Variants in NOTCH2 observed in about 807,000 individuals in gnomAD.
NOTCH2 encodes the protein notch receptor 2.
A neutral mutation model predicts 235.8 loss-of-function variants in NOTCH2; 29 were observed. The ratio of observed to expected loss-of-function variants is 0.12; its 90% CI spans 0.09 to 0.17. The LOEUF (loss-of-function observed/expected upper bound fraction) is 0.17, where lower values mean the gene tolerates loss of function less well. Among genes scored for constraint, NOTCH2 ranks in the 10% least tolerant of loss-of-function variants. NOTCH2 has a pLI of 1.00. For missense variants in NOTCH2, 2,285 were observed against 3,150.2 expected, an observed-to-expected ratio of 0.73 and a Z score of 6.57; for synonymous variants, 1,086 against 1,141.5, an observed-to-expected ratio of 0.95 and a Z score of 0.98.
At chr1:119,965,945 A>G (rs1233543492) in intron 9 of NOTCH2, among the ~76,000 whole-genome samples, 3 of 152,182 alleles carry the variant, frequency 2.0e-5, no homozygotes, top group African/African-American at 7.2e-5. Flanking sequence ...TAGCTTGAGG[A>G]AAAAAAAGGA....
chr1:119,995,579 G>T (rs1381678990), intron 4 of NOTCH2: 1 of 152,064 alleles, frequency 6.6e-6, no homozygotes, highest in Admixed American at 6.6e-5. Flanking sequence ...GAAGACAGAC[G>T]TATTTTAGTT....
chr1:119,915,864 G>T lies in NOTCH2; in HGVS notation c.6858C>A (p.Ser2286Arg). The change falls in exon 34 of 34, where the codon AGC (serine) becomes AGA (arginine). Residue 2286 changes from serine (S) to arginine (R), a missense_variant. By Grantham distance (110) the Ser-to-Arg change is moderately radical. Coordinates refer to ENST00000256646, the MANE Select transcript of NOTCH2 (RefSeq NM_024408.4). ...TTATGTGCTTCCCTTCAGGTGGCCT[G>T]CTCTGGGGAGCTATGCCAGGATGGG... is the stretch of plus-strand genomic sequence containing the variant. The part of the protein sequence containing the change: ...EGTHPGIAPQ[S>R]RPPEGKHITT... The T allele has an allele frequency of 1.2e-6, 2 of 1,614,204 alleles. No individual in the cohort carries two copies. The highest frequency in any genetic ancestry group is 1.7e-6 in the Non-Finnish European group (2 of 1,180,038).
At chr1:120,000,823 C>T (rs587605789) in intron 3 of NOTCH2, among the ~76,000 whole-genome samples, 6 of 152,264 alleles carry the variant, frequency 3.9e-5, no homozygotes, top group East Asian at 1.9e-4. Flanking sequence ...ATACCATCAT[C>T]GTCATGATGG....
rs112932691 is a variant in NOTCH2 at position 119,940,267 on chromosome 1, C to T, written c.3183+288G>A. Among the ~76,000 whole-genome samples the T allele has an allele frequency of 0.019, 2,829 of 151,956 alleles. 82 individuals carry two copies. Among genetic ancestry groups the T allele is most frequent in the African/African-American group, 0.064 (2,659 of 41,462 alleles). On this transcript the variant is annotated intron_variant, in intron 19 of 33. Transcript: ENST00000256646. Reference sequence around the variant, plus strand: ...CTTTTTGTGCTTCCAATGTAAAAAACAAAAAAACAAAAAACAAAAAACAAA... The same window carrying T: ...CTTTTTGTGCTTCCAATGTAAAAAATAAAAAAACAAAAAACAAAAAACAAA...
intron 5 of NOTCH2, among the ~76,000 whole-genome samples, chr1:119,974,228 G>A (rs1476641615): frequency 6.6e-6 from 1 of 152,146 alleles, no homozygotes; most frequent in East Asian, 1.9e-4. Context: ...CACAAACTTT[G>A]CTGGTGAACT....
chr1:119,985,260 C>A (rs1399761824), intron 5 of NOTCH2, among the ~76,000 whole-genome samples: 1 of 151,798 alleles, frequency 6.6e-6, no homozygotes, highest in African/African-American at 2.4e-5. Flanking sequence ...AAAAAAAAAA[C>A]TGAAGGTCAC....
chr1:119,918,756 T>C (rs1649171631), intron 31 of NOTCH2, among the ~76,000 whole-genome samples: 2 of 152,306 alleles, frequency 1.3e-5, no homozygotes, highest in African/African-American at 2.4e-5. Flanking sequence ...ACATGCTCAA[T>C]AAATAATGGC....
At chr1:120,039,304 T>A (rs1462068899) in intron 1 of NOTCH2, among the ~76,000 whole-genome samples, 1 of 152,178 alleles carries the variant, frequency 6.6e-6, no homozygotes, top group Non-Finnish European at 1.5e-5. Flanking sequence ...TTGTCTTATA[T>A]CTTGTATTAT....
At position 119,961,118 on chromosome 1, in the gene NOTCH2, G is replaced by A. The variant is rs587674444; in HGVS notation, c.1916-1616C>T. Among the ~76,000 whole-genome samples the A allele has an allele frequency of 2.6e-5, 4 of 152,220 alleles. No individual in the cohort carries two copies. In the South Asian group the frequency reaches 8.3e-4, roughly 32 times the overall value. ...TGTTACACCCATTTTACAGACAACAGGGCTGACCTGCACAGTGCCACCATT... is the reference window on the plus strand; with the variant it reads ...TGTTACACCCATTTTACAGACAACAAGGCTGACCTGCACAGTGCCACCATT... On this transcript the variant is annotated intron_variant, in intron 11 of 33. Transcript: ENST00000256646.
rs2101103638 is a variant in NOTCH2 at position 119,940,574 on chromosome 1, T to G, written c.3164A>C (p.Tyr1055Ser). Residue 1055 changes from tyrosine to serine, a missense_variant, in exon 19 of 34, where the codon TAC becomes TCC. Physicochemically the swap from Tyr to Ser is moderately radical, Grantham distance 144 (BLOSUM62 -2). Transcript: ENST00000256646. ...AATTACCTGACAGTTTTTCCCAGTGTAGCCCAGGGGGCAGCTGCAGCGGTA... is the reference window on the plus strand; with the variant it reads ...AATTACCTGACAGTTTTTCCCAGTGGAGCCCAGGGGGCAGCTGCAGCGGTA... Reference protein sequence around the residue: ...GTYRCSCPLGYTGKNCQTLVN... With the variant: ...GTYRCSCPLGSTGKNCQTLVN... The G allele has an allele frequency of 6.2e-7, 1 of 1,613,856 alleles. No individual in the cohort carries two copies. Among genetic ancestry groups the G allele is most frequent in the South Asian group, 1.1e-5 (1 of 91,070 alleles).
chr1:119,929,555 A>AAATATAAAATATAAAATATAAAAACAG lies in NOTCH2; in HGVS notation c.3656-344_3656-343insCTGTTTTTATATTTTATATTTTATATT, dbSNP rs1217198435. ...GGCTCAGTAATTTTTCCAAAGTATA[A>AAATATAAAATATAAAATATAAAAACAG]TCCAAAATATAAAAACAGTCCAAAA... On this transcript the variant is annotated intron_variant, in intron 22 of 33. Coordinates refer to ENST00000256646, the MANE Select transcript of NOTCH2 (RefSeq NM_024408.4). Among the ~76,000 whole-genome samples, 6 of 152,328 alleles carry AAATATAAAATATAAAATATAAAAACAG rather than the reference A, an allele frequency of 3.9e-5. No homozygotes were observed. In the East Asian group the frequency reaches 9.6e-4, roughly 24 times the overall value.
Position 119,915,818 on chromosome 1 carries a change from G to T in NOTCH2, c.6904C>A (p.Pro2302Thr). Reference sequence around the variant, plus strand: ...ATGAGCTGGAAAGTCACAATGGGGGGCAAGGGCTCCCGAGGGGTGGTTATG... The same window carrying T: ...ATGAGCTGGAAAGTCACAATGGGGGTCAAGGGCTCCCGAGGGGTGGTTATG... ...KHITTPREPL[P>T]PIVTFQLIPK... is the part of the protein sequence containing the mutation. The change falls in exon 34 of 34, where the codon CCC (proline) becomes ACC (threonine). Residue 2302 changes from proline to threonine, a missense_variant. This residue lies in a region of NOTCH2 where 504 missense variants were observed against 538.0 expected (regional missense o/e 0.94). Coordinates refer to ENST00000256646, the MANE Select transcript of NOTCH2 (RefSeq NM_024408.4). 1.2e-6 allele frequency: 2 copies of T among 1,613,752 alleles called. No homozygotes were observed. Among genetic ancestry groups the T allele is most frequent in the Non-Finnish European group, 1.7e-6 (2 of 1,179,762 alleles).
At chr1:119,942,542 A>G (rs1032645298) in intron 17 of NOTCH2, among the ~76,000 whole-genome samples, 33 of 152,236 alleles carry the variant, frequency 2.2e-4, no homozygotes, top group Non-Finnish European at 1.0e-4. Context: ...TAATTCCCTT[A>G]TAAGACTCAT....
rs2101161748 is a variant in NOTCH2, at chr1:119,925,364, G to A, written c.4452C>T (p.Cys1484=). ...DYINNQCDEL[C]NTVECLFDNF... ...TGTCAAACAGGCACTCGACCGTGTT[G>A]CACAGCTCATCACACTGGTTGTTGA... The change falls in exon 25 of 34, where the codon TGC becomes TGT. Residue 1484 remains cysteine (C), a synonymous_variant. Coordinates refer to ENST00000256646, the MANE Select transcript of NOTCH2 (RefSeq NM_024408.4). 1 of 1,614,168 alleles carries A rather than the reference G, an allele frequency of 6.2e-7. No homozygotes were observed. Among genetic ancestry groups the A allele is most frequent in the Non-Finnish European group, 8.5e-7 (1 of 1,180,034 alleles).
At chr1:119,933,472 A>G (rs1649736514) in intron 22 of NOTCH2, among the ~76,000 whole-genome samples, 1 of 152,264 alleles carries the variant, frequency 6.6e-6, no homozygotes, top group African/African-American at 2.4e-5. Flanking sequence ...AAAGAAATTC[A>G]TACCTACATA....
intron 3 of NOTCH2, among the ~76,000 whole-genome samples, chr1:120,004,873 A>G (rs1293199162): frequency 6.6e-6 from 1 of 152,196 alleles, no homozygotes; most frequent in Non-Finnish European, 1.5e-5. Context: ...CCTGGGCTCA[A>G]GCAATTCTTC....
At chr1:120,051,277 A>ACACACG (rs1654985541) in intron 1 of NOTCH2, among the ~76,000 whole-genome samples, 2 of 102,228 alleles carry the variant, frequency 2.0e-5, no homozygotes, top group East Asian at 2.2e-4. Context: ...ACACACACGC[A>ACACACG]CACACACACA....
At chr1:120,014,492 A>C (rs370170781) in intron 2 of NOTCH2, among the ~76,000 whole-genome samples, 3,234 of 145,234 alleles carry the variant, frequency 0.022, no homozygotes, top group East Asian at 0.047. Context: ...TTGGATGTAG[A>C]AAAGCAAAGG....
chr1:119,925,244 C>G (rs140638348), intron 25 of NOTCH2, 61 bp downstream of exon 25: 2 of 1,607,032 alleles, frequency 1.2e-6, no homozygotes, highest in Non-Finnish European at 8.5e-7. Flanking sequence ...GGAGCAAGAA[C>G]GAGAAACTGA....
Sources: allele counts gnomAD v4.1 joint callset (sites outside exome capture counted in the v4.1 genomes callset), GRCh38; gene constraint gnomAD v4.1.1; regional missense constraint gnomAD v4.1.1; transcripts MANE v1.5; gene names NCBI Gene and HGNC (gene_info 2026-07-23, HGNC 2026-07-21).